KCNB2: variants seen among roughly 807,000 people sequenced by gnomAD.
KCNB2 encodes potassium voltage-gated channel subfamily B member 2, also known as delayed rectifier potassium channel protein.
Under a neutral mutation model 61.5 loss-of-function variants are expected in KCNB2, and 15 were observed. That is an observed-to-expected ratio of 0.24 (90% CI 0.16 to 0.38). The LOEUF (loss-of-function observed/expected upper bound fraction) is 0.38. Among genes scored for constraint, KCNB2 ranks in the 10% least tolerant of loss-of-function variants. KCNB2 has a pLI of 1.00. For missense variants in KCNB2, 828 were observed against 1,125.2 expected, an observed-to-expected ratio of 0.74 and a Z score of 3.78; for synonymous variants, 457 against 446.0, an observed-to-expected ratio of 1.02 and a Z score of -0.31.
chr8:72,865,638 C>T (rs1479415000), intron 2 of KCNB2, among the ~76,000 whole-genome samples: 4 of 152,144 alleles, frequency 2.6e-5, no homozygotes, highest in South Asian at 4.1e-4. Context: ...CGCAGAACTC[C>T]GAAATTATAA....
intron 2 of KCNB2, among the ~76,000 whole-genome samples, chr8:72,717,695 C>A (rs201474364): frequency 1.1e-4 from 17 of 151,752 alleles, no homozygotes; most frequent in African/African-American, 3.9e-4. Flanking sequence ...CGTTAGACCT[C>A]AAACCATAAA....
At chr8:72,823,617 A>G (rs1809548302) in intron 2 of KCNB2, among the ~76,000 whole-genome samples, 1 of 152,212 alleles carries the variant, frequency 6.6e-6, no homozygotes, top group African/African-American at 2.4e-5. Context: ...TCAAGAGGCA[A>G]ACACCTGTAA....
chr8:72,937,667 C>T lies in KCNB2; in HGVS notation c.2312C>T (p.Thr771Ile). Residue 771 changes from threonine to isoleucine, a missense_variant, in exon 3 of 3, where the codon ACT becomes ATT. Thr to Ile is a moderately conservative substitution (Grantham distance 89). Coordinates refer to ENST00000523207, the MANE Select transcript of KCNB2 (RefSeq NM_004770.3). ...PSQGDRPLLG[T>I]EVSAPCQGPS... ...CAGGGAGACAGACCCTTGCTGGGCACTGAGGTTTCAGCGCCTTGTCAGGGA... is the reference window on the plus strand; with the variant it reads ...CAGGGAGACAGACCCTTGCTGGGCATTGAGGTTTCAGCGCCTTGTCAGGGA... The T allele has an allele frequency of 6.2e-7, 1 of 1,614,032 alleles. No individual in the cohort carries two copies. The highest frequency in any genetic ancestry group is 8.5e-7 in the Non-Finnish European group (1 of 1,179,976).
chr8:72,542,099 A>G (rs1806197191), intron 1 of KCNB2, among the ~76,000 whole-genome samples: 1 of 152,130 alleles, frequency 6.6e-6, no homozygotes, highest in South Asian at 2.1e-4. Flanking sequence ...CATTATGAAA[A>G]CATAAATTGA....
intron 2 of KCNB2, among the ~76,000 whole-genome samples, chr8:72,580,137 T>A (rs1806868889): frequency 6.6e-6 from 1 of 152,190 alleles, no homozygotes. Context: ...ACTACTCAGC[T>A]CTGCTGCTGT....
intron 2 of KCNB2, 35 bp from the exon 3 acceptor site, chr8:72,935,898 AAG>A: frequency 6.7e-7 from 1 of 1,489,234 alleles, no homozygotes; most frequent in South Asian, 1.2e-5. Flanking sequence ...CTAAGCAACT[AAG>A]AGGATTTGCT....
rs1806453120 is a variant in KCNB2 at position 72,665,515 on chromosome 8, T to C, written c.579+97202T>C. Among the ~76,000 whole-genome samples the C allele has an allele frequency of 2.0e-5, 3 of 152,140 alleles. No individual in the cohort carries two copies. The South Asian group carries it at 6.2e-4, about 31-fold the overall frequency. On this transcript the variant is annotated intron_variant, in intron 2 of 2. Coordinates refer to ENST00000523207, the MANE Select transcript of KCNB2 (RefSeq NM_004770.3). ...TATATATATATGAAATTCCCAAATA[T>C]TTTTAATCAACATTATAAATAACAT...
intron 2 of KCNB2, among the ~76,000 whole-genome samples, chr8:72,894,687 AT>A (rs1379203440): frequency 6.6e-6 from 1 of 152,076 alleles, no homozygotes; most frequent in Non-Finnish European, 1.5e-5. Flanking sequence ...TCCTGTTTGG[AT>A]GTTGACTGGT....
At chr8:72,912,486 A>G (rs1474694343) in intron 2 of KCNB2, among the ~76,000 whole-genome samples, 2 of 81,844 alleles carry the variant, frequency 2.4e-5, no homozygotes, top group African/African-American at 6.3e-5. Context: ...ACTAGCTTTT[A>G]TTCATATATA....
At chr8:72,609,450 A>G (rs1805504307) in intron 2 of KCNB2, among the ~76,000 whole-genome samples, 1 of 152,240 alleles carries the variant, frequency 6.6e-6, no homozygotes, top group Non-Finnish European at 1.5e-5. Context: ...GAAGAAGAAA[A>G]AAATGTATTC....
chr8:72,661,550 C>T (rs749579390), intron 2 of KCNB2: 1 of 152,212 alleles, frequency 6.6e-6, no homozygotes, highest in Non-Finnish European at 1.5e-5. Context: ...TTAGGATACT[C>T]TGCCATTTTA....
chr8:72,600,672 A>C (rs1422271968), intron 2 of KCNB2, among the ~76,000 whole-genome samples: 1 of 152,096 alleles, frequency 6.6e-6, no homozygotes, highest in African/African-American at 2.4e-5. Flanking sequence ...AAAGGATGAG[A>C]TCATGTCCTT....
intron 2 of KCNB2, among the ~76,000 whole-genome samples, chr8:72,774,757 C>G (rs1356167377): frequency 1.3e-5 from 2 of 151,936 alleles, no homozygotes; most frequent in East Asian, 1.9e-4. Flanking sequence ...TTATATTACC[C>G]TGAGTTATAT....
chr8:72,828,174 AAAT>A (rs1350124057), intron 2 of KCNB2, among the ~76,000 whole-genome samples: 19 of 152,314 alleles, frequency 1.2e-4, no homozygotes, highest in Admixed American at 1.2e-3. Context: ...ATAATCAAAA[AAAT>A]AATAATCAAA....
chr8:72,601,215 C>G (rs543852635), intron 2 of KCNB2, among the ~76,000 whole-genome samples: 3 of 152,296 alleles, frequency 2.0e-5, no homozygotes, highest in African/African-American at 7.2e-5. Flanking sequence ...ACTTGACTTT[C>G]ACCATTTGTG....
At chr8:72,635,409 C>A (rs1413637174) in intron 2 of KCNB2, among the ~76,000 whole-genome samples, 1 of 152,144 alleles carries the variant, frequency 6.6e-6, no homozygotes, top group African/African-American at 2.4e-5. Flanking sequence ...GAGGAATTAT[C>A]TTCTCAGGGA....
chr8:72,767,238 C>T (rs925729673), intron 2 of KCNB2, among the ~76,000 whole-genome samples: 6 of 152,142 alleles, frequency 3.9e-5, no homozygotes, highest in African/African-American at 1.4e-4. Flanking sequence ...TAGTTCCTTT[C>T]TTTCTTTTTT....
At chr8:72,771,898 G>T (rs542642191) in intron 2 of KCNB2, among the ~76,000 whole-genome samples, 1 of 152,298 alleles carries the variant, frequency 6.6e-6, no homozygotes, top group African/African-American at 2.4e-5. Context: ...GGAAATGAAG[G>T]AGATATCCTC....
At chr8:72,764,579 A>C (rs1002679167) in intron 2 of KCNB2, among the ~76,000 whole-genome samples, 3 of 152,194 alleles carry the variant, frequency 2.0e-5, no homozygotes, top group Non-Finnish European at 4.4e-5. Flanking sequence ...TGCCTTTTGG[A>C]CAGTTGATGT....
Sources: allele counts gnomAD v4.1 joint callset (sites outside exome capture counted in the v4.1 genomes callset), GRCh38; gene constraint gnomAD v4.1.1; transcripts MANE v1.5; gene names NCBI Gene and HGNC (gene_info 2026-07-23, HGNC 2026-07-21).